Variants in MRPL35 observed in about 807,000 individuals in gnomAD.
The protein encoded by MRPL35 is large ribosomal subunit protein bL35m.
Under a neutral mutation model 21.6 loss-of-function variants are expected in MRPL35, and 18 were observed. The ratio of observed to expected loss-of-function variants is 0.83; its 90% confidence interval spans 0.58 to 1.24. MRPL35 has a LOEUF of 1.24. Ranked by LOEUF, MRPL35 falls within the 50% of genes most tolerant of loss-of-function variation. MRPL35 has a pLI of 0.00. For synonymous variants in MRPL35, 87 were observed against 86.9 expected (o/e 1.00, Z -0.01); for missense variants, 223 against 223.2 (o/e 1.00, Z 0.01).
intron 3 of MRPL35, among the ~76,000 whole-genome samples, chr2:86,210,203 C>T (rs1394204449): frequency 6.6e-6 from 1 of 152,110 alleles, no homozygotes; most frequent in Non-Finnish European, 1.5e-5. Flanking sequence ...CAGCCACACA[C>T]ATTTAGTTTT....
chr2:86,201,848 T>C (rs1293479376), intron 1 of MRPL35, among the ~76,000 whole-genome samples: 1 of 152,224 alleles, frequency 6.6e-6, no homozygotes, highest in Non-Finnish European at 1.5e-5. Flanking sequence ...CCCCCATTCA[T>C]TCCTTTGATT....
chr2:86,207,334 C>T lies in MRPL35; in HGVS notation c.378+7C>T, dbSNP rs575363790. On this transcript the variant is annotated splice_region_variant and intron_variant, in intron 3 of 3. Transcript: ENST00000337109. ...CCTTTGGGTGAGGAGAAAGGTGAGT[C>T]TTCACACTGTTACTAAATTGAAAAA... 1.2e-6 allele frequency: 2 copies of T among 1,607,020 alleles called. No homozygotes were observed. Among genetic ancestry groups the T allele is most frequent in the Middle Eastern group, 1.7e-4 (1 of 6,024 alleles).
chr2:86,213,637 C>T lies in MRPL35; in HGVS notation c.*2969C>T, dbSNP rs1457282551. 6.5e-7 allele frequency: 1 copy of T among 1,550,372 alleles called. No individual in the cohort carries two copies. The highest frequency in any genetic ancestry group is 2.0e-5 in the Admixed American group (1 of 50,960). ...GTTGTCACCTGCACAGGCACTCCCC[C>T]ATTTGCAGATGAAGAAATGTTCAGA... On this transcript the variant is annotated 3_prime_UTR_variant, in exon 4 of 4. Coordinates refer to ENST00000337109, the MANE Select transcript of MRPL35 (RefSeq NM_016622.4).
intron 1 of MRPL35, 131 bp from the exon 2 acceptor site, chr2:86,205,975 T>G: frequency 1.3e-6 from 1 of 790,374 alleles, no homozygotes; most frequent in Non-Finnish European, 2.1e-6. Context: ...TGGTAAAAGC[T>G]TCACAGATGA....
At chr2:86,201,980 A>T (rs1421881517) in intron 1 of MRPL35, among the ~76,000 whole-genome samples, 1 of 152,226 alleles carries the variant, frequency 6.6e-6, no homozygotes, top group Non-Finnish European at 1.5e-5. Context: ...TTGTGAAAAC[A>T]TCTGTATTCT....
rs761414859 is a variant in MRPL35, at chr2:86,199,503, G to A, written c.13G>A (p.Ala5Thr). Residue 5 changes from alanine (A) to threonine (T), a missense_variant, in exon 1 of 4, where the codon GCC becomes ACC. Coordinates refer to ENST00000337109, the MANE Select transcript of MRPL35 (RefSeq NM_016622.4). ...GGCGAAGGTGAAGATGGCTGCCTCTGCCTTTGCTGGTGCAGTGAGAGCAGC... is the reference window on the plus strand; with the variant it reads ...GGCGAAGGTGAAGATGGCTGCCTCTACCTTTGCTGGTGCAGTGAGAGCAGC... MAAS[A>T]FAGAVRAASG... 6 of 1,614,076 alleles carry A rather than the reference G, an allele frequency of 3.7e-6. No homozygotes were observed. Among genetic ancestry groups the A allele is most frequent in the Non-Finnish European group, 5.1e-6 (6 of 1,180,050 alleles).
In MRPL35 at chr2:86,210,571, T is replaced by G. The variant is rs1160880036; in HGVS notation, c.470T>G (p.Leu157Arg). Residue 157 changes from leucine (L) to arginine (R), a missense_variant, in exon 4 of 4, where the codon CTC (leucine) becomes CGC (arginine). Transcript: ENST00000337109. ...TTCTGCAATAAAACCCAGAGTAAAC[T>G]CTTAGATAAAATGACGACGTCCTTC... is the stretch of plus-strand genomic sequence containing the variant. ...FVFCNKTQSKLLDKMTTSFWK... is the reference protein window; with the variant it reads ...FVFCNKTQSKRLDKMTTSFWK... 2 of 1,613,978 alleles carry G rather than the reference T, an allele frequency of 1.2e-6. No homozygotes were observed. The highest frequency in any genetic ancestry group is 1.7e-6 in the Non-Finnish European group (2 of 1,179,926).
At chr2:86,199,664 A>G (rs755683388) in intron 1 of MRPL35, 131 bp downstream of exon 1, 26 of 1,179,692 alleles carry the variant, frequency 2.2e-5, no homozygotes, top group Middle Eastern at 2.8e-4. Flanking sequence ...GTTGCGCCCA[A>G]TTTTCTCTGG....
In MRPL35 at chr2:86,211,982, C is replaced by G. The variant is rs768917463; in HGVS notation, c.*1314C>G. 1.9e-4 allele frequency: 184 copies of G among 988,554 alleles called. No individual in the cohort carries two copies. The highest frequency in any genetic ancestry group is 2.1e-4 in the Non-Finnish European group (177 of 832,300). 61.2% of individuals were successfully genotyped at this position (988,554 alleles called of 1,614,324 possible). A position where few individuals can be genotyped will look rare whatever the true frequency, so the allele number is the denominator to read the frequency against. ...ACTTGAAGTGGGCAGGGAAGCAGCA[C>G]TGAGTAAAGTTCAATTGAGTGGTTA... On this transcript the variant is annotated 3_prime_UTR_variant, in exon 4 of 4. Coordinates refer to ENST00000337109, the MANE Select transcript of MRPL35 (RefSeq NM_016622.4).
chr2:86,199,672 T>C (rs1426613305), intron 1 of MRPL35, 139 bp downstream of exon 1: 24 of 1,096,524 alleles, frequency 2.2e-5, no homozygotes, highest in Non-Finnish European at 3.0e-5. Flanking sequence ...CAATTTTCTC[T>C]GGGGCGGTGT....
chr2:86,200,056 G>T (rs1291424092), intron 1 of MRPL35, among the ~76,000 whole-genome samples: 2 of 152,168 alleles, frequency 1.3e-5, no homozygotes, highest in East Asian at 3.8e-4. Context: ...GGGCTGGTAT[G>T]AGGACTTCTT....
chr2:86,206,231 A>T lies in MRPL35; in HGVS notation c.169A>T (p.Thr57Ser), dbSNP rs746367121. 4 of 1,613,128 alleles carry T rather than the reference A, an allele frequency of 2.5e-6. No homozygotes were observed. Among genetic ancestry groups the T allele is most frequent in the Non-Finnish European group, 2.5e-6 (3 of 1,179,554 alleles). ...SHIQTPVVSSTPRLTTSERNL... is the reference protein window; with the variant it reads ...SHIQTPVVSSSPRLTTSERNL... ...TATTCAGACACCAGTTGTTTCCTCCACTCCCAGACTTACCACATCTGAGAG... is the reference window on the plus strand; with the variant it reads ...TATTCAGACACCAGTTGTTTCCTCCTCTCCCAGACTTACCACATCTGAGAG... The change falls in exon 2 of 4, where the codon ACT becomes TCT. Residue 57 changes from threonine (T) to serine (S), a missense_variant. By Grantham distance (58) the Thr-to-Ser change is moderately conservative. Transcript: ENST00000337109.
chr2:86,212,200 G>C lies in MRPL35; in HGVS notation c.*1532G>C. 1 of 1,304,894 alleles carries C rather than the reference G, an allele frequency of 7.7e-7. No homozygotes were observed. The highest frequency in any genetic ancestry group is 9.7e-7 in the Non-Finnish European group (1 of 1,026,706). 80.8% of individuals were successfully genotyped at this position (1,304,894 alleles called of 1,614,324 possible). A position where few individuals can be genotyped will look rare whatever the true frequency, so the allele number is the denominator to read the frequency against. On this transcript the variant is annotated 3_prime_UTR_variant, in exon 4 of 4. Transcript: ENST00000337109. ...AGTAAAATTATGAAATTGAAGTTCT[G>C]CAGCATGTCAGGCCAGGATTATTAG...
Position 86,213,419 on chromosome 2 carries a change from T to C in MRPL35, c.*2751T>C, listed in dbSNP as rs1673952887. On this transcript the variant is annotated 3_prime_UTR_variant, in exon 4 of 4. Transcript: ENST00000337109. ...ATCTGCTTCTTTTCTTACTGCTGCT[T>C]TATTTTACAGTGATTTTGTCAAACA... 17 of 1,280,380 alleles carry C rather than the reference T, an allele frequency of 1.3e-5. No homozygotes were observed. The South Asian group carries it at 3.7e-4, about 28-fold the overall frequency. The allele number at this position is 1,280,380 out of a possible 1,614,324, so 79.3% of individuals were successfully genotyped here.
At position 86,213,541 on chromosome 2, in the gene MRPL35, G is replaced by T; in HGVS notation, c.*2873G>T. 2.0e-6 allele frequency: 3 copies of T among 1,464,252 alleles called. No homozygotes were observed. The highest frequency in any genetic ancestry group is 2.7e-6 in the Non-Finnish European group (3 of 1,098,250). The allele number at this position is 1,464,252 out of a possible 1,614,324, so 90.7% of individuals were successfully genotyped here. A position where few individuals can be genotyped will look rare whatever the true frequency, so the allele number is the denominator to read the frequency against. On this transcript the variant is annotated 3_prime_UTR_variant, in exon 4 of 4. Transcript: ENST00000337109. ...CAAGTCTTTGTGGCCACCCAATGAA[G>T]TTTGAGTCTGCCTGTTCAGATGTGA...
intron 1 of MRPL35, among the ~76,000 whole-genome samples, chr2:86,199,829 CCTAA>C (rs1488037723): frequency 6.6e-6 from 1 of 152,134 alleles, no homozygotes; most frequent in Non-Finnish European, 1.5e-5. Context: ...AAAAGTCTCA[CCTAA>C]CTTTCTGATT....
At position 86,211,518 on chromosome 2, in the gene MRPL35, C is replaced by T. The variant is rs1673901963; in HGVS notation, c.*850C>T. Reference sequence around the variant, plus strand: ...GTGGCAGCACACTTAACATCTAACACACCAGGTTCATTGTGTTCATAACAC... The same window carrying T: ...GTGGCAGCACACTTAACATCTAACATACCAGGTTCATTGTGTTCATAACAC... On this transcript the variant is annotated 3_prime_UTR_variant, in exon 4 of 4. Transcript: ENST00000337109. 3 of 985,338 alleles carry T rather than the reference C, an allele frequency of 3.0e-6. No individual in the cohort carries two copies. The South Asian group carries it at 1.4e-4, about 46-fold the overall frequency. 61.0% of individuals were successfully genotyped at this position (985,338 alleles called of 1,614,324 possible).
At chr2:86,202,105 T>G (rs1175899353) in intron 1 of MRPL35, among the ~76,000 whole-genome samples, 1 of 152,258 alleles carries the variant, frequency 6.6e-6, no homozygotes, top group Non-Finnish European at 1.5e-5. Context: ...TTAACAAAGC[T>G]AGACTGTTAG....
chr2:86,209,534 T>A lies in MRPL35; in HGVS notation c.379-946T>A, dbSNP rs572847331. On this transcript the variant is annotated intron_variant, in intron 3 of 3. Coordinates refer to ENST00000337109, the MANE Select transcript of MRPL35 (RefSeq NM_016622.4). ...TAAATTCTTCAAAATGAATAATACCTGTATGGGTGTATATGAAAGTTCTGG... is the reference window on the plus strand; with the variant it reads ...TAAATTCTTCAAAATGAATAATACCAGTATGGGTGTATATGAAAGTTCTGG... Among the ~76,000 whole-genome samples, 3 of 152,350 alleles carry A rather than the reference T, an allele frequency of 2.0e-5. No individual in the cohort carries two copies. The East Asian group carries it at 5.8e-4, about 29-fold the overall frequency.
Sources: allele counts gnomAD v4.1 joint callset (sites outside exome capture counted in the v4.1 genomes callset), GRCh38; gene constraint gnomAD v4.1.1; transcripts MANE v1.5; gene names NCBI Gene and HGNC (gene_info 2026-07-23, HGNC 2026-07-21).